RPS6KA2: variants seen among roughly 807,000 people sequenced by gnomAD.
RPS6KA2 encodes ribosomal protein S6 kinase alpha-2.
A neutral mutation model predicts 91.8 loss-of-function variants in RPS6KA2; 42 were observed. That is an observed-to-expected ratio of 0.46 (90% CI 0.36 to 0.59). The LOEUF is 0.59. Among genes scored for constraint, RPS6KA2 ranks in the 20% least tolerant of loss-of-function variants. The pLI is 0.00. For synonymous variants in RPS6KA2, 414 were observed against 393.6 expected (o/e 1.05, Z -0.61); for missense variants, 798 against 978.5 (o/e 0.82, Z 2.46).
chr6:166,585,228 G>A (rs897924751), intron 1 of RPS6KA2, among the ~76,000 whole-genome samples: 1 of 152,220 alleles, frequency 6.6e-6, no homozygotes, highest in African/African-American at 2.4e-5. Flanking sequence ...GTGACTCGGG[G>A]CTGGGAAACG....
At chr6:166,461,155 T>A (rs1404521900) in intron 11 of RPS6KA2, among the ~76,000 whole-genome samples, 1 of 152,172 alleles carries the variant, frequency 6.6e-6, no homozygotes, top group Non-Finnish European at 1.5e-5. Flanking sequence ...GCGGGAACCA[T>A]CGGAGGAGAA....
At chr6:166,576,042 G>C (rs987309708) in intron 1 of RPS6KA2, among the ~76,000 whole-genome samples, 1 of 152,186 alleles carries the variant, frequency 6.6e-6, no homozygotes, top group Non-Finnish European at 1.5e-5. Context: ...TCTCGTGATA[G>C]TGAGTAAGTC....
chr6:166,747,947 T>C (rs560897339), intron 2 of RPS6KA2, among the ~76,000 whole-genome samples: 8 of 152,288 alleles, frequency 5.3e-5, no homozygotes, highest in African/African-American at 1.9e-4. Flanking sequence ...ACACAGGCAC[T>C]GTGCAGAGGG....
chr6:166,640,812 G>A lies in RPS6KA2; in HGVS notation c.124-102028C>T, dbSNP rs548449732. Among the ~76,000 whole-genome samples the A allele has an allele frequency of 2.0e-5, 3 of 149,814 alleles. No homozygotes were observed. The East Asian group carries it at 6.0e-4, about 30-fold the overall frequency. ...AGAGGTTCAGTGGGGGGCCAAGCAG[G>A]GTGTGGGGGGTCGGATCCGAGTCGG... On this transcript the variant is annotated intron_variant, in intron 2 of 21. Transcript: ENST00000503859.
Position 166,437,049 on chromosome 6 carries a change from G to A in RPS6KA2, c.1333-4559C>T, listed in dbSNP as rs550478163. Among the ~76,000 whole-genome samples the A allele has an allele frequency of 7.2e-4, 109 of 150,804 alleles. 1 individual carries two copies. The highest frequency in any genetic ancestry group is 2.1e-3 in the African/African-American group (86 of 41,010). On this transcript the variant is annotated intron_variant, in intron 14 of 20. Coordinates refer to ENST00000265678, the MANE Select transcript of RPS6KA2 (RefSeq NM_021135.6). The surrounding 1 kb of genome is among the most constrained non-coding windows in gnomAD (Gnocchi z 4.3). The stretch of plus-strand genomic sequence containing the variant: ...AAAAAAATTTTTTTTTTTTGCTTTT[G>A]TTTTTATTTTTGCATGGAGGGTGAG...
At position 166,726,316 on chromosome 6, in the gene RPS6KA2, T is replaced by C. The variant is rs1353645351; in HGVS notation, c.123+131884A>G. 2.6e-5 allele frequency among the ~76,000 whole-genome samples: 4 copies of C among 152,080 alleles called. No individual in the cohort carries two copies. Among genetic ancestry groups the C allele is most frequent in the Admixed American group, 1.3e-4 (2 of 15,270 alleles). ...CAAGTAGATGTGGAAGATAAAGAAG[T>C]AGCAATCCTGGGGAAAGGGCTAAAC... On this transcript the variant is annotated intron_variant, in intron 2 of 21. Coordinates refer to the RPS6KA2 transcript ENST00000503859. This position sits in a 1 kb window ranked among gnomAD's most constrained non-coding sequence, Gnocchi z 4.4.
In RPS6KA2 at chr6:166,817,468, G is replaced by A. The variant is rs373918421; in HGVS notation, c.123+40732C>T. Among the ~76,000 whole-genome samples, 4 of 152,188 alleles carry A rather than the reference G, an allele frequency of 2.6e-5. No homozygotes were observed. In the East Asian group the frequency reaches 5.8e-4, roughly 22 times the overall value. On this transcript the variant is annotated intron_variant, in intron 2 of 21. Transcript: ENST00000503859. ...CAGAAACACACAGAGATATCTCCAT[G>A]TAAATTTTAAAACCTGTCTGCTAGA...
intron 2 of RPS6KA2, among the ~76,000 whole-genome samples, chr6:166,716,998 G>C (rs1790032290): frequency 6.6e-6 from 1 of 152,256 alleles, no homozygotes; most frequent in Non-Finnish European, 1.5e-5. Context: ...TCATGGCTGT[G>C]TAGGAGGATC....
intron 2 of RPS6KA2, among the ~76,000 whole-genome samples, chr6:166,760,444 A>C (rs957136145): frequency 3.9e-5 from 6 of 152,228 alleles, no homozygotes; most frequent in African/African-American, 7.2e-5. Flanking sequence ...CGATCTACTG[A>C]ATGTCAAAGT....
Position 166,684,893 on chromosome 6 carries a change from T to C in RPS6KA2, c.124-146109A>G, listed in dbSNP as rs553961131. 1.0e-3 allele frequency among the ~76,000 whole-genome samples: 158 copies of C among 152,360 alleles called. 1 individual carries two copies. Among genetic ancestry groups the C allele is most frequent in the African/African-American group, 3.8e-3 (156 of 41,584 alleles). The stretch of plus-strand genomic sequence containing the variant: ...TTCCAATTTATAATAAGAGAATGTC[T>C]TACAAATCTGAAAAGCAACAAGAAA... On this transcript the variant is annotated intron_variant, in intron 2 of 21. Coordinates refer to the RPS6KA2 transcript ENST00000503859.
At position 166,445,846 on chromosome 6, in the gene RPS6KA2, T is replaced by A. The variant is rs1480743104; in HGVS notation, c.1332+2878A>T. On this transcript the variant is annotated intron_variant, in intron 14 of 20. Transcript: ENST00000265678. The surrounding 1 kb of genome is among the most constrained non-coding windows in gnomAD (Gnocchi z 4.5). ...AACTGGGAGTGGTAAAGCCGGATTC[T>A]AGTGACAATCTCGGCTGGACATCTG... Among the ~76,000 whole-genome samples, 3 of 152,204 alleles carry A rather than the reference T, an allele frequency of 2.0e-5. No individual in the cohort carries two copies. The highest frequency in any genetic ancestry group is 7.2e-5 in the African/African-American group (3 of 41,454).
chr6:166,477,782 A>G (rs1293383286), intron 10 of RPS6KA2, among the ~76,000 whole-genome samples: 1 of 152,158 alleles, frequency 6.6e-6, no homozygotes, highest in Non-Finnish European at 1.5e-5. Context: ...GTGGTTGTGC[A>G]TGCCTGTAGT....
intron 3 of RPS6KA2, among the ~76,000 whole-genome samples, chr6:166,519,650 A>G (rs962879593): frequency 1.3e-5 from 2 of 152,224 alleles, no homozygotes; most frequent in Non-Finnish European, 2.9e-5. Flanking sequence ...TGAAGGGCAC[A>G]CTGGTTTCCT....
chr6:166,614,464 T>G (rs949945014), intron 1 of RPS6KA2, among the ~76,000 whole-genome samples: 47 of 152,214 alleles, frequency 3.1e-4, no homozygotes, highest in African/African-American at 1.1e-3. Context: ...TGCCCTGCCC[T>G]GGCCCCTGCC....
chr6:166,767,644 G>A lies in RPS6KA2; in HGVS notation c.123+90556C>T, dbSNP rs968280378. Among the ~76,000 whole-genome samples the A allele has an allele frequency of 2.6e-5, 4 of 152,210 alleles. No individual in the cohort carries two copies. The highest frequency in any genetic ancestry group is 2.9e-5 in the Non-Finnish European group (2 of 68,034). On this transcript the variant is annotated intron_variant, in intron 2 of 21. Coordinates refer to the RPS6KA2 transcript ENST00000503859. The surrounding 1 kb of genome is among the most constrained non-coding windows in gnomAD (Gnocchi z 4.6). ...ATGTTCCAGGCTTAGCCCCCGCACT[G>A]CAGCTCCCTAAGTTGCTTTGCAAAG...
intron 12 of RPS6KA2, among the ~76,000 whole-genome samples, chr6:166,454,099 A>G (rs1262651353): frequency 6.6e-6 from 1 of 152,206 alleles, no homozygotes; most frequent in Non-Finnish European, 1.5e-5. Context: ...TTAATGGGTA[A>G]AATGAACACT....
intron 3 of RPS6KA2, among the ~76,000 whole-genome samples, chr6:166,514,187 C>T (rs1782562732): frequency 6.6e-6 from 1 of 152,216 alleles, no homozygotes. Flanking sequence ...ATTCCTTCCT[C>T]CCCCACCTCT....
At position 166,468,856 on chromosome 6, in the gene RPS6KA2, TA is replaced by T. The variant is rs1554277712; in HGVS notation, c.972+984del. Among the ~76,000 whole-genome samples the T allele has an allele frequency of 1.2e-3, 132 of 112,168 alleles. 1 individual carries two copies. Among genetic ancestry groups the T allele is most frequent in the Middle Eastern group, 4.9e-3 (1 of 206 alleles). The allele number at this position is 112,168 out of a possible 152,430, so 73.6% of individuals were successfully genotyped here. A position where few individuals can be genotyped will look rare whatever the true frequency, so the allele number is the denominator to read the frequency against. Reference sequence around the variant, plus strand: ...TCCAGCCTGGGCGACAGAGCGAGACTAAAAAAAAAAAAAAAAAGAAGACAGA... The same window carrying T: ...TCCAGCCTGGGCGACAGAGCGAGACTAAAAAAAAAAAAAAAAGAAGACAGA... On this transcript the variant is annotated intron_variant, in intron 11 of 20. Coordinates refer to ENST00000265678, the MANE Select transcript of RPS6KA2 (RefSeq NM_021135.6).
rs1252156623 is a variant in RPS6KA2, at chr6:166,767,387, T to G, written c.123+90813A>C. 6.6e-6 allele frequency among the ~76,000 whole-genome samples: 1 copy of G among 152,214 alleles called. No homozygotes were observed. The highest frequency in any genetic ancestry group is 1.5e-5 in the Non-Finnish European group (1 of 68,030). Reference sequence around the variant, plus strand: ...ACCACAAAGGCCGCGCGGATCAATGTGCTCCAGATCAATGCGGTCCAGAGG... The same window carrying G: ...ACCACAAAGGCCGCGCGGATCAATGGGCTCCAGATCAATGCGGTCCAGAGG... On this transcript the variant is annotated intron_variant, in intron 2 of 21. Transcript: ENST00000503859. This position sits in a 1 kb window ranked among gnomAD's most constrained non-coding sequence, Gnocchi z 4.6.
Sources: gnomAD v4.1 joint callset for allele counts (sites outside exome capture counted in the v4.1 genomes callset) on GRCh38, gnomAD v4.1.1 for gene constraint, Gnocchi (gnomAD v3.1) non-coding constraint, MANE v1.5 for transcripts, NCBI Gene and HGNC (gene_info 2026-07-23, HGNC 2026-07-21) for gene names.